Variants in DAPP1 observed in about 807,000 individuals in gnomAD.
DAPP1 encodes the protein dual adapter for phosphotyrosine and 3-phosphotyrosine and 3-phosphoinositide.
In DAPP1, 20 loss-of-function variants were observed where a neutral mutation model predicts 41.5. The observed-to-expected ratio is 0.48, with a 90% CI of 0.34 to 0.70. The LOEUF is 0.70. DAPP1 is among the 30% of genes least tolerant of loss of function. The pLI, the probability that DAPP1 is intolerant of heterozygous loss-of-function variation, is 0.01. For synonymous variants in DAPP1, 113 were observed against 116.2 expected (o/e 0.97, Z 0.18); for missense variants, 233 against 333.4 (o/e 0.70, Z 2.35).
intron 1 of DAPP1, among the ~76,000 whole-genome samples, chr4:99,817,266 A>G (rs1374706027): frequency 6.6e-6 from 1 of 152,240 alleles, no homozygotes; most frequent in Non-Finnish European, 1.5e-5. Context: ...GAAAAAAATC[A>G]AATGTTGGAC....
chr4:99,861,263 C>T (rs1371008738), intron 4 of DAPP1, among the ~76,000 whole-genome samples: 1 of 152,160 alleles, frequency 6.6e-6, no homozygotes, highest in African/African-American at 2.4e-5. Flanking sequence ...GTGCTAATAA[C>T]CCTGTAACAA....
intron 1 of DAPP1, among the ~76,000 whole-genome samples, chr4:99,822,548 C>T (rs1462339289): frequency 6.6e-6 from 1 of 152,002 alleles, no homozygotes; most frequent in African/African-American, 2.4e-5. Context: ...GAGAAAATGG[C>T]CTGAATAAAG....
chr4:99,858,622 G>A (rs1724128813), intron 4 of DAPP1, among the ~76,000 whole-genome samples: 1 of 152,136 alleles, frequency 6.6e-6, no homozygotes, highest in Admixed American at 6.6e-5. Context: ...GCCAATTTTA[G>A]CATTTACTGA....
intron 1 of DAPP1, among the ~76,000 whole-genome samples, chr4:99,827,450 G>A (rs574279780): frequency 2.8e-4 from 42 of 151,554 alleles, no homozygotes; most frequent in African/African-American, 9.4e-4. Flanking sequence ...GGAGAATGGC[G>A]TGAACCCGGG....
intron 1 of DAPP1, among the ~76,000 whole-genome samples, chr4:99,835,243 A>C (rs1002112454): frequency 6.6e-6 from 1 of 152,050 alleles, no homozygotes; most frequent in African/African-American, 2.4e-5. Flanking sequence ...CCCTGACCTC[A>C]AGTGATCCGC....
chr4:99,864,847 A>C (rs535655117), intron 7 of DAPP1: 1 of 152,330 alleles, frequency 6.6e-6, no homozygotes, highest in South Asian at 2.1e-4. Context: ...TTTATCAGGA[A>C]AACCAATGTT....
At chr4:99,817,725 A>C (rs1476767511) in intron 1 of DAPP1, among the ~76,000 whole-genome samples, 1 of 152,230 alleles carries the variant, frequency 6.6e-6, no homozygotes, top group Non-Finnish European at 1.5e-5. Flanking sequence ...CAAGTATTAC[A>C]CAAGAGAGGA....
chr4:99,871,161 G>A (rs1409853634), downstream of DAPP1, among the ~76,000 whole-genome samples: 1 of 152,192 alleles, frequency 6.6e-6, no homozygotes, highest in African/African-American at 2.4e-5. Context: ...AGGGCATTAT[G>A]CTGTGTCCCT....
chr4:99,834,594 G>A (rs940657390), intron 1 of DAPP1, among the ~76,000 whole-genome samples: 5 of 151,962 alleles, frequency 3.3e-5, no homozygotes, highest in South Asian at 2.1e-4. Context: ...CAGAGGTTTC[G>A]CCGTGAAAAG....
intron 6 of DAPP1, 53 bp downstream of exon 6, chr4:99,863,125 A>G: frequency 1.7e-6 from 2 of 1,180,722 alleles, no homozygotes; most frequent in East Asian, 2.8e-5. Flanking sequence ...TCTAGATGAA[A>G]GAAACTTAGG....
chr4:99,857,701 T>TATACACACAC lies in DAPP1; in HGVS notation c.490-3876_490-3875insTACACACACA, dbSNP rs776829227. Among the ~76,000 whole-genome samples, 5 of 143,108 alleles carry TATACACACAC rather than the reference T, an allele frequency of 3.5e-5. No homozygotes were observed. The Admixed American group carries it at 3.6e-4, about 10-fold the overall frequency. 93.9% of individuals were successfully genotyped at this position (143,108 alleles called of 152,430 possible). A position where few individuals can be genotyped will look rare whatever the true frequency, so the allele number is the denominator to read the frequency against. ...AAAAAAAAAAGTATATGTATGTATA[T>TATACACACAC]ACACACACACACACACACACACACA... On this transcript the variant is annotated intron_variant, in intron 4 of 8. Transcript: ENST00000512369.
chr4:99,842,101 A>T (rs941450059), intron 3 of DAPP1, among the ~76,000 whole-genome samples: 7 of 152,268 alleles, frequency 4.6e-5, no homozygotes, highest in Non-Finnish European at 1.0e-4. Context: ...ATCATCAGGC[A>T]AGAGGATCAC....
chr4:99,848,285 T>A (rs923504507), intron 3 of DAPP1, among the ~76,000 whole-genome samples: 32 of 150,556 alleles, frequency 2.1e-4, no homozygotes, highest in African/African-American at 7.9e-4. Context: ...TGGAGTGCAG[T>A]GGCACGATCT....
At chr4:99,865,952 T>TATAATATATAATA (rs1317141928) in intron 7 of DAPP1, 82 bp from the exon 8 acceptor site, 1 of 62,562 alleles carries the variant, frequency 1.6e-5, no homozygotes, top group African/African-American at 8.1e-5. Flanking sequence ...ATATTATATA[T>TATAATATATAATA]TATATTATAT....
At chr4:99,822,372 A>G (rs1385782978) in intron 1 of DAPP1, among the ~76,000 whole-genome samples, 1 of 152,168 alleles carries the variant, frequency 6.6e-6, no homozygotes, top group Non-Finnish European at 1.5e-5. Context: ...ATTCATATGC[A>G]TGTAGAGTTA....
intron 3 of DAPP1, 50 bp from the exon 4 acceptor site, chr4:99,853,168 C>A: frequency 1.2e-6 from 2 of 1,601,016 alleles, no homozygotes; most frequent in Non-Finnish European, 1.7e-6. Flanking sequence ...AGCATTTGGA[C>A]CTTCCTTCTG....
rs900212165 is a variant in DAPP1 at position 99,863,666 on chromosome 4, T to C, written c.601-104T>C. On this transcript the variant is annotated intron_variant, in intron 6 of 8. Coordinates refer to ENST00000512369, the MANE Select transcript of DAPP1 (RefSeq NM_014395.3). Reference sequence around the variant, plus strand: ...CTGTTAGTGAAAGGAAATATGACAATTGCACATAGTGGAAAACTTGTGAGG... The same window carrying C: ...CTGTTAGTGAAAGGAAATATGACAACTGCACATAGTGGAAAACTTGTGAGG... The C allele has an allele frequency of 4.3e-5, 32 of 746,692 alleles. No individual in the cohort carries two copies. The African/African-American group carries it at 5.5e-4, about 13-fold the overall frequency. 46.3% of individuals were successfully genotyped at this position (746,692 alleles called of 1,614,324 possible). A position where few individuals can be genotyped will look rare whatever the true frequency, so the allele number is the denominator to read the frequency against.
At chr4:99,832,776 G>A (rs1412464286) in intron 1 of DAPP1, among the ~76,000 whole-genome samples, 1 of 152,188 alleles carries the variant, frequency 6.6e-6, no homozygotes, top group African/African-American at 2.4e-5. Flanking sequence ...TTCTATAAAT[G>A]TTTTAAACGC....
rs184577375 is a variant in DAPP1, at chr4:99,869,354, T to A, written c.*1169T>A. On this transcript the variant is annotated 3_prime_UTR_variant, in exon 9 of 9. Coordinates refer to ENST00000512369, the MANE Select transcript of DAPP1 (RefSeq NM_014395.3). ...TGGCAGAATCTAACCCCTTCTGTTA[T>A]CTTTTTTAATACTATTTTTGTTTAG... The A allele has an allele frequency of 2.0e-5, 3 of 152,352 alleles. No individual in the cohort carries two copies. The highest frequency in any genetic ancestry group is 2.0e-4 in the Admixed American group (3 of 15,302). The allele number at this position is 152,352 out of a possible 1,614,324, so 9.4% of individuals were successfully genotyped here.
Sources: gnomAD v4.1 joint callset for allele counts (sites outside exome capture counted in the v4.1 genomes callset) on GRCh38, gnomAD v4.1.1 for gene constraint, MANE v1.5 for transcripts, NCBI Gene and HGNC (gene_info 2026-07-23, HGNC 2026-07-21) for gene names.